Variants in DYNC2LI1 observed in about 807,000 individuals in gnomAD.
DYNC2LI1 encodes the protein cytoplasmic dynein 2 light intermediate chain 1.
A neutral mutation model predicts 51.9 loss-of-function variants in DYNC2LI1; 45 were observed. The ratio of observed to expected loss-of-function variants is 0.87; its 90% CI spans 0.68 to 1.11. DYNC2LI1 has a LOEUF of 1.11. DYNC2LI1 is among the 50% of genes most tolerant of loss of function. The pLI is 0.00. For missense variants in DYNC2LI1, 490 were observed against 417.4 expected, an observed-to-expected ratio of 1.17 and a Z score of -1.51; for synonymous variants, 130 against 137.8, an observed-to-expected ratio of 0.94 and a Z score of 0.40.
the DYNC2LI1 span, among the ~76,000 whole-genome samples, chr2:43,815,394 G>C: frequency 6.6e-6 from 1 of 152,136 alleles, no homozygotes. Context: ...TGGAGATATA[G>C]AATATATCCT....
rs148807181 is a variant in DYNC2LI1, at chr2:43,805,139, G to C, written c.901-15G>C. ...GTTTATGGGCGTGAAGTGATTTTGA[G>C]ATTTGTAATTTCAGAGTATTAACAC... On this transcript the variant is annotated splice_polypyrimidine_tract_variant and intron_variant, in intron 11 of 12. Transcript: ENST00000260605. 7.0e-6 allele frequency: 11 copies of C among 1,574,914 alleles called. No homozygotes were observed. In the African/African-American group the frequency reaches 9.5e-5, roughly 14 times the overall value.
chr2:43,803,407 G>A (rs1666137466), intron 10 of DYNC2LI1, among the ~76,000 whole-genome samples: 1 of 152,082 alleles, frequency 6.6e-6, no homozygotes, highest in Non-Finnish European at 1.5e-5. Context: ...TGAGTGAAAA[G>A]CAGCCAATTA....
chr2:43,825,143 A>T, the DYNC2LI1 span: 1 of 1,195,426 alleles, frequency 8.4e-7, no homozygotes, highest in African/African-American at 1.5e-5. Flanking sequence ...TCCTTATGGG[A>T]AATGCATTTC....
chr2:43,800,797 T>C (rs1054878609), intron 8 of DYNC2LI1, 44 bp from the exon 9 acceptor site: 1 of 1,096,236 alleles, frequency 9.1e-7, no homozygotes, highest in African/African-American at 1.6e-5. Flanking sequence ...GTTTCTGTGA[T>C]TGGAAAATAG....
downstream of DYNC2LI1, chr2:43,810,440 C>G (rs1244322607): frequency 1.1e-5 from 11 of 985,220 alleles, no homozygotes; most frequent in Non-Finnish European, 1.3e-5. Flanking sequence ...TTGCGGATAA[C>G]CAGGATTATT....
chr2:43,792,642 A>C lies in DYNC2LI1; in HGVS notation c.321-1815A>C, dbSNP rs548828003. 3 of 1,524,622 alleles carry C rather than the reference A, an allele frequency of 2.0e-6. No individual in the cohort carries two copies. The Admixed American group carries it at 6.6e-5, about 34-fold the overall frequency. The allele number at this position is 1,524,622 out of a possible 1,614,324, so 94.4% of individuals were successfully genotyped here. ...CTTCTCAAACTGAAACTCTTTACCT[A>C]TTAAACAATAACTCCTTGTTTTTCC... On this transcript the variant is annotated intron_variant, in intron 5 of 12. Coordinates refer to ENST00000260605, the MANE Select transcript of DYNC2LI1 (RefSeq NM_016008.4).
Position 43,794,808 on chromosome 2 carries a change from G to C in DYNC2LI1, c.507+165G>C, listed in dbSNP as rs1673961008. ...CAGCAATTTATTAAAACCTCAGTAA[G>C]AGCAAAACAAGGAAGAAGATTCCTT... On this transcript the variant is annotated intron_variant, in intron 6 of 12. Coordinates refer to ENST00000260605, the MANE Select transcript of DYNC2LI1 (RefSeq NM_016008.4). 4 of 1,472,552 alleles carry C rather than the reference G, an allele frequency of 2.7e-6. No individual in the cohort carries two copies. The South Asian group carries it at 5.8e-5, about 21-fold the overall frequency. 91.2% of individuals were successfully genotyped at this position (1,472,552 alleles called of 1,614,324 possible).
At chr2:43,778,103 C>A (rs1295134846) in intron 2 of DYNC2LI1, among the ~76,000 whole-genome samples, 1 of 151,960 alleles carries the variant, frequency 6.6e-6, no homozygotes, top group Non-Finnish European at 1.5e-5. Flanking sequence ...ATAAAATTAT[C>A]GTAGAGATCA....
At chr2:43,818,660 A>G in the DYNC2LI1 span, among the ~76,000 whole-genome samples, 1 of 152,186 alleles carries the variant, frequency 6.6e-6, no homozygotes, top group Non-Finnish European at 1.5e-5. Flanking sequence ...TGCATTTTTC[A>G]TAAATATTAA....
chr2:43,820,273 T>C, the DYNC2LI1 span, among the ~76,000 whole-genome samples: 1 of 152,216 alleles, frequency 6.6e-6, no homozygotes, highest in Admixed American at 6.5e-5. Context: ...TGAGACTATT[T>C]ATTATATCAA....
intron 3 of DYNC2LI1, among the ~76,000 whole-genome samples, chr2:43,786,638 C>T (rs575069616): frequency 5.3e-5 from 8 of 152,172 alleles, no homozygotes; most frequent in South Asian, 2.1e-4. Context: ...TCCTGGCTAA[C>T]GTAGTGAAAC....
At chr2:43,799,468 A>G (rs985881616) in intron 8 of DYNC2LI1, among the ~76,000 whole-genome samples, 1 of 152,198 alleles carries the variant, frequency 6.6e-6, no homozygotes, top group Non-Finnish European at 1.5e-5. Flanking sequence ...TAGTTGAAGG[A>G]ATGTTCCATG....
At chr2:43,779,032 G>C (rs1247058502) in intron 2 of DYNC2LI1, among the ~76,000 whole-genome samples, 1 of 152,132 alleles carries the variant, frequency 6.6e-6, no homozygotes, top group Non-Finnish European at 1.5e-5. Context: ...GAGGCAGATG[G>C]ATTGCTTGAG....
intron 12 of DYNC2LI1, among the ~76,000 whole-genome samples, chr2:43,809,212 A>C (rs969575008): frequency 1.5e-4 from 23 of 152,046 alleles, no homozygotes; most frequent in African/African-American, 4.6e-4. Flanking sequence ...GGCTGGTCTC[A>C]AATTCCTGGG....
intron 10 of DYNC2LI1, among the ~76,000 whole-genome samples, chr2:43,802,723 C>G (rs1447250661): frequency 1.3e-5 from 2 of 151,968 alleles, no homozygotes; most frequent in Non-Finnish European, 2.9e-5. Flanking sequence ...CTATGAAAGC[C>G]CATGTGAAGA....
At chr2:43,783,447 C>A in intron 2 of DYNC2LI1, 73 bp from the exon 3 acceptor site, 1 of 1,150,464 alleles carries the variant, frequency 8.7e-7, no homozygotes, top group Non-Finnish European at 1.2e-6. Context: ...TTTTGGGCCA[C>A]AATTACGAAC....
At chr2:43,819,887 C>G in the DYNC2LI1 span, 2 of 1,612,206 alleles carry the variant, frequency 1.2e-6, no homozygotes, top group Non-Finnish European at 1.7e-6. Context: ...TTATCCCAAT[C>G]TAAATTTTTT....
chr2:43,780,339 G>C (rs1304891945), intron 2 of DYNC2LI1, among the ~76,000 whole-genome samples: 1 of 152,138 alleles, frequency 6.6e-6, no homozygotes, highest in Non-Finnish European at 1.5e-5. Context: ...ATGTCAGGTG[G>C]ATTGCCAAGA....
chr2:43,807,743 CAAAAAAA>C (rs536977133), intron 12 of DYNC2LI1, among the ~76,000 whole-genome samples: 4 of 41,614 alleles, frequency 9.6e-5, no homozygotes, highest in African/African-American at 1.4e-4. Flanking sequence ...TTTGTTAAAG[CAAAAAAA>C]AAAAAAAAAA....
Sources: allele counts gnomAD v4.1 joint callset (sites outside exome capture counted in the v4.1 genomes callset), GRCh38; gene constraint gnomAD v4.1.1; transcripts MANE v1.5; gene names NCBI Gene and HGNC (gene_info 2026-07-23, HGNC 2026-07-21).